The following RAP1GAP2 variants were observed in gnomAD, a reference collection of about 807,000 sequenced individuals.
RAP1GAP2 encodes RAP1 GTPase activating protein 2, also known as rap1 GTPase-activating protein 2.
Under a neutral mutation model 95.0 loss-of-function variants are expected in RAP1GAP2, and 27 were observed. That is an observed-to-expected ratio of 0.28 (90% confidence interval 0.21 to 0.39). RAP1GAP2 has a LOEUF of 0.39. Among genes scored for constraint, RAP1GAP2 ranks in the 10% least tolerant of loss-of-function variants. The probability of loss-of-function intolerance (pLI) is 1.00; values close to 1 mark genes in which losing one functional copy is unlikely to be tolerated. For missense variants in RAP1GAP2, 771 were observed against 970.0 expected (o/e 0.79, Z 2.72); for synonymous variants, 373 against 380.9 (o/e 0.98, Z 0.24).
intron 1 of RAP1GAP2, among the ~76,000 whole-genome samples, chr17:2,780,097 C>A (rs1278300263): frequency 2.0e-5 from 3 of 152,198 alleles, no homozygotes; most frequent in Admixed American, 6.5e-5. Flanking sequence ...GTTGTCCAGG[C>A]TGGAGTGCAG....
intron 1 of RAP1GAP2, among the ~76,000 whole-genome samples, chr17:2,786,144 G>A (rs1490309681): frequency 8.5e-5 from 13 of 152,114 alleles, no homozygotes; most frequent in Non-Finnish European, 1.5e-5. Context: ...CAGGTGATCC[G>A]TCCGCCTCGG....
chr17:3,025,896 C>T lies in RAP1GAP2; in HGVS notation c.1752-112C>T, dbSNP rs1567911283. The T allele has an allele frequency of 4.2e-5, 32 of 764,748 alleles. No individual in the cohort carries two copies. The East Asian group carries it at 8.6e-4, about 20-fold the overall frequency. The allele number at this position is 764,748 out of a possible 1,614,324, so 47.4% of individuals were successfully genotyped here. ...CAGGCAGTGATGCCAGGCGGGGGCG[C>T]TCTGACCCCACTGCCCCTCACCGTG... On this transcript the variant is annotated intron_variant, in intron 19 of 24. Transcript: ENST00000254695.
upstream of RAP1GAP2, among the ~76,000 whole-genome samples, chr17:2,776,110 C>T (rs375694895): frequency 1.3e-5 from 2 of 152,136 alleles, no homozygotes; most frequent in Non-Finnish European, 2.9e-5. Flanking sequence ...ACCCGGGAGG[C>T]GGAGGTTGCA....
chr17:3,027,806 A>C lies in RAP1GAP2; in HGVS notation c.2107+736A>C. Among the ~76,000 whole-genome samples, 1 of 127,858 alleles carries C rather than the reference A, an allele frequency of 7.8e-6. No homozygotes were observed. The highest frequency in any genetic ancestry group is 2.8e-4 in the South Asian group (1 of 3,568). 83.9% of individuals were successfully genotyped at this position (127,858 alleles called of 152,430 possible). A position where few individuals can be genotyped will look rare whatever the true frequency, so the allele number is the denominator to read the frequency against. ...GATGGAGGGGAGGGGAGAGGAGGGGAGGGGAGCTGCGGCAGAAGCACCTCG... is the reference window on the plus strand; with the variant it reads ...GATGGAGGGGAGGGGAGAGGAGGGGCGGGGAGCTGCGGCAGAAGCACCTCG... On this transcript the variant is annotated intron_variant, in intron 22 of 24. Transcript: ENST00000254695. The surrounding 1 kb of genome is among the most constrained non-coding windows in gnomAD (Gnocchi z 5.2).
At chr17:2,876,083 A>T (rs574857075) in intron 2 of RAP1GAP2, among the ~76,000 whole-genome samples, 1 of 150,770 alleles carries the variant, frequency 6.6e-6, no homozygotes, top group Non-Finnish European at 1.5e-5. Flanking sequence ...GACTACAGGC[A>T]CCCGCCCCCA....
At chr17:2,763,804 T>G (rs1597265844) in intron 1 of RAP1GAP2, among the ~76,000 whole-genome samples, 5 of 150,506 alleles carry the variant, frequency 3.3e-5, no homozygotes, top group African/African-American at 7.3e-5. Context: ...GGCCAGGAGG[T>G]GAAGGCTGTG....
At chr17:3,013,442 AG>A (rs1717077474) in intron 17 of RAP1GAP2, among the ~76,000 whole-genome samples, 1 of 151,920 alleles carries the variant, frequency 6.6e-6, no homozygotes, top group Admixed American at 6.6e-5. Context: ...GGTCTCTTGG[AG>A]CAGAGTTGGC....
At chr17:2,799,440 T>C (rs2069190653) in intron 1 of RAP1GAP2, among the ~76,000 whole-genome samples, 1 of 151,976 alleles carries the variant, frequency 6.6e-6, no homozygotes, top group South Asian at 2.1e-4. Context: ...GGCCTCAGGG[T>C]GACTTGTGGG....
At chr17:2,981,331 G>T in intron 10 of RAP1GAP2, 83 bp downstream of exon 10, 1 of 1,304,572 alleles carries the variant, frequency 7.7e-7, no homozygotes, top group African/African-American at 1.5e-5. Flanking sequence ...GGAGTTCTCT[G>T]CATCATAGTG....
intron 3 of RAP1GAP2, among the ~76,000 whole-genome samples, chr17:2,922,058 T>C (rs1292369358): frequency 6.6e-6 from 1 of 152,240 alleles, no homozygotes; most frequent in Non-Finnish European, 1.5e-5. Context: ...CAAAATACCT[T>C]AGACTGGGTA....
At position 3,026,051 on chromosome 17, in the gene RAP1GAP2, T is replaced by C. The variant is rs1227754346; in HGVS notation, c.1795T>C (p.Ser599Pro). The C allele has an allele frequency of 1.9e-6, 3 of 1,613,546 alleles. No homozygotes were observed. Among genetic ancestry groups the C allele is most frequent in the African/African-American group, 2.7e-5 (2 of 74,866 alleles). Residue 599 changes from serine (S) to proline (P), a missense_variant, in exon 20 of 25, where the codon TCC (serine) becomes CCC (proline). Ser to Pro is a moderately conservative substitution (Grantham distance 74, BLOSUM62 -1). Transcript: ENST00000254695. ...ACCCAAGACCCCAGATGGTGGACACTCCTCTCAGGAGATAAAGTCTGAGAC... is the reference window on the plus strand; with the variant it reads ...ACCCAAGACCCCAGATGGTGGACACCCCTCTCAGGAGATAAAGTCTGAGAC... ...STPKTPDGGH[S>P]SQEIKSETSS...
At chr17:2,950,381 A>G (rs1490122647) in intron 3 of RAP1GAP2, among the ~76,000 whole-genome samples, 1 of 152,090 alleles carries the variant, frequency 6.6e-6, no homozygotes, top group Non-Finnish European at 1.5e-5. Context: ...TTCTAAAGAC[A>G]CTGTCTCTGG....
intron 2 of RAP1GAP2, among the ~76,000 whole-genome samples, chr17:2,889,889 A>ATATATATATATTTT (rs1408426152): frequency 1.4e-4 from 8 of 57,312 alleles, no homozygotes; most frequent in East Asian, 6.3e-4. Context: ...ATATATATAT[A>ATATATATATATTTT]TTTTTTTTTT....
chr17:2,887,972 CCTAA>C (rs1200838967), intron 2 of RAP1GAP2, among the ~76,000 whole-genome samples: 30 of 152,274 alleles, frequency 2.0e-4, no homozygotes, highest in African/African-American at 7.0e-4. Flanking sequence ...CTGCGCCTGG[CCTAA>C]CTATTATCTC....
chr17:3,006,893 C>G (rs1355957897), intron 16 of RAP1GAP2, among the ~76,000 whole-genome samples: 2 of 152,074 alleles, frequency 1.3e-5, no homozygotes, highest in African/African-American at 4.8e-5. Context: ...TACAGTGTGC[C>G]AGCACTAGGC....
At chr17:2,962,871 C>T in intron 5 of RAP1GAP2, 157 bp downstream of exon 5, 1 of 697,770 alleles carries the variant, frequency 1.4e-6, no homozygotes, top group Middle Eastern at 4.0e-4. Flanking sequence ...CTTGTTAGAC[C>T]AGTGCACGGT....
intron 2 of RAP1GAP2, among the ~76,000 whole-genome samples, chr17:2,899,245 C>A (rs1319370851): frequency 3.3e-5 from 5 of 152,168 alleles, no homozygotes; most frequent in Admixed American, 6.6e-5. Context: ...CACTCTGTCA[C>A]CCAGGCTGGA....
intron 2 of RAP1GAP2, among the ~76,000 whole-genome samples, chr17:2,842,082 C>G (rs928349552): frequency 6.6e-6 from 1 of 152,148 alleles, no homozygotes; most frequent in African/African-American, 2.4e-5. Context: ...CCTCCACAAC[C>G]TGGGGGAGTA....
At chr17:2,927,343 C>CG (rs1188116817) in intron 3 of RAP1GAP2, among the ~76,000 whole-genome samples, 2 of 151,470 alleles carry the variant, frequency 1.3e-5, no homozygotes, top group Non-Finnish European at 2.9e-5. Context: ...TTAGTAGAGA[C>CG]GGGGTTTCAC....
Sources: gnomAD v4.1 joint callset for allele counts (sites outside exome capture counted in the v4.1 genomes callset) on GRCh38, gnomAD v4.1.1 for gene constraint, Gnocchi (gnomAD v3.1) non-coding constraint, MANE v1.5 for transcripts, NCBI Gene and HGNC (gene_info 2026-07-23, HGNC 2026-07-21) for gene names.